GALNT17: variants seen among roughly 807,000 people sequenced by gnomAD.
GALNT17 encodes polypeptide N-acetylgalactosaminyltransferase 17.
Under a neutral mutation model 63.7 loss-of-function variants are expected in GALNT17, and 29 were observed. The ratio of observed to expected loss-of-function variants is 0.46; its 90% CI spans 0.34 to 0.62. The LOEUF is 0.62. Ranked by LOEUF, GALNT17 falls within the 20% of genes least tolerant of loss-of-function variation. The probability of loss-of-function intolerance (pLI) is 0.01; values close to 1 mark genes in which losing one functional copy is unlikely to be tolerated. For synonymous variants in GALNT17, 305 were observed against 318.3 expected (o/e 0.96, Z 0.45); for missense variants, 603 against 799.6 (o/e 0.75, Z 2.97).
Position 71,174,345 on chromosome 7 carries a change from A to C in GALNT17, c.238+41305A>C, listed in dbSNP as rs143210923. 3.2e-3 allele frequency among the ~76,000 whole-genome samples: 493 copies of C among 152,200 alleles called. 1 individual carries two copies. Among genetic ancestry groups the C allele is most frequent in the African/African-American group, 0.012 (485 of 41,520 alleles). ...GACCGCACATTGGCACTGGGGTGTG[A>C]GATGTCAGGGGTCTGCACATGGTTA... On this transcript the variant is annotated intron_variant, in intron 1 of 10. Transcript: ENST00000333538.
chr7:71,257,283 A>G (rs1412443625), intron 1 of GALNT17, among the ~76,000 whole-genome samples: 2 of 152,156 alleles, frequency 1.3e-5, no homozygotes, highest in African/African-American at 4.8e-5. Context: ...AGGAATGATA[A>G]AAAGTAATTA....
chr7:71,289,855 G>A (rs1790945408), intron 1 of GALNT17, among the ~76,000 whole-genome samples: 2 of 151,180 alleles, frequency 1.3e-5, no homozygotes, highest in Admixed American at 1.3e-4. Flanking sequence ...TTCCAGCCTG[G>A]GCAACAAGAG....
In GALNT17 at chr7:71,175,332, A is replaced by G. The variant is rs908316227; in HGVS notation, c.238+42292A>G. On this transcript the variant is annotated intron_variant, in intron 1 of 10. Coordinates refer to ENST00000333538, the MANE Select transcript of GALNT17 (RefSeq NM_022479.3). ...CAATTATCTATCATCTGTCCCTATCATTTATCTATTTGTCTGTCTTTGTCA... is the reference window on the plus strand; with the variant it reads ...CAATTATCTATCATCTGTCCCTATCGTTTATCTATTTGTCTGTCTTTGTCA... Among the ~76,000 whole-genome samples the G allele has an allele frequency of 2.6e-5, 4 of 152,122 alleles. No homozygotes were observed. The East Asian group carries it at 5.8e-4, about 22-fold the overall frequency.
intron 1 of GALNT17, among the ~76,000 whole-genome samples, chr7:71,319,073 A>C (rs1791552557): frequency 1.6e-5 from 1 of 61,120 alleles, no homozygotes; most frequent in African/African-American, 6.2e-5. Context: ...CCACATCCTC[A>C]GCTTGCTGAG....
intron 1 of GALNT17, among the ~76,000 whole-genome samples, chr7:71,277,795 C>T (rs1354822330): frequency 6.6e-6 from 1 of 152,136 alleles, no homozygotes; most frequent in Non-Finnish European, 1.5e-5. Flanking sequence ...GTCTTTTTCA[C>T]CCCAGTGCCC....
chr7:71,658,088 TG>T (rs2117033751), intron 6 of GALNT17, among the ~76,000 whole-genome samples: 1 of 152,252 alleles, frequency 6.6e-6, no homozygotes, highest in African/African-American at 2.4e-5. Context: ...AATTTTCTTT[TG>T]TAGAGGCTGG....
At chr7:71,250,029 T>C (rs961132427) in intron 1 of GALNT17, among the ~76,000 whole-genome samples, 10 of 152,198 alleles carry the variant, frequency 6.6e-5, no homozygotes, top group African/African-American at 2.2e-4. Context: ...TGTGAACATA[T>C]GAGTTTTTAT....
chr7:71,211,346 A>G (rs1007374286), intron 1 of GALNT17, among the ~76,000 whole-genome samples: 4 of 152,170 alleles, frequency 2.6e-5, no homozygotes, highest in African/African-American at 7.2e-5. Context: ...TGCTGCTGCC[A>G]TGTAAGATGC....
Position 71,422,627 on chromosome 7 carries a change from G to A in GALNT17, c.962+1522G>A, listed in dbSNP as rs547940189. Among the ~76,000 whole-genome samples the A allele has an allele frequency of 2.4e-3, 363 of 152,336 alleles. 2 individuals are homozygous for A. The highest frequency in any genetic ancestry group is 7.5e-3 in the African/African-American group (311 of 41,590). The stretch of plus-strand genomic sequence containing the variant: ...GTTGCGGGGAGCATTTTGGGGCTCC[G>A]ACCCCATGGCGGTCTCCAGGATTGA... On this transcript the variant is annotated intron_variant, in intron 5 of 10. Transcript: ENST00000333538.
chr7:71,233,365 T>A (rs574060140), intron 1 of GALNT17, among the ~76,000 whole-genome samples: 1 of 152,268 alleles, frequency 6.6e-6, no homozygotes, highest in African/African-American at 2.4e-5. Flanking sequence ...GCATCCTCCA[T>A]CAGCATCGTG....
intron 2 of GALNT17, among the ~76,000 whole-genome samples, chr7:71,381,742 G>C (rs761399627): frequency 6.6e-6 from 1 of 152,130 alleles, no homozygotes; most frequent in Non-Finnish European, 1.5e-5. Context: ...TCATGCCATG[G>C]CACTCCAGCC....
At chr7:71,366,558 C>T (rs1435276966) in intron 2 of GALNT17, among the ~76,000 whole-genome samples, 6 of 151,362 alleles carry the variant, frequency 4.0e-5, no homozygotes, top group East Asian at 2.0e-4. Context: ...TCCAGCCTGG[C>T]GACAGAGCGA....
intron 3 of GALNT17, among the ~76,000 whole-genome samples, chr7:71,407,883 G>A (rs1793357276): frequency 6.6e-6 from 1 of 152,148 alleles, no homozygotes; most frequent in Non-Finnish European, 1.5e-5. Flanking sequence ...GGGGCAGAAA[G>A]CATGTTAGTG....
At chr7:71,208,976 GAGTA>G (rs1312693069) in intron 1 of GALNT17, among the ~76,000 whole-genome samples, 1 of 151,966 alleles carries the variant, frequency 6.6e-6, no homozygotes, top group Admixed American at 6.6e-5. Flanking sequence ...ACAGGCTGGA[GAGTA>G]AGTATTTTCA....
At chr7:71,489,123 G>T (rs1787963171) in intron 5 of GALNT17, among the ~76,000 whole-genome samples, 1 of 151,628 alleles carries the variant, frequency 6.6e-6, no homozygotes, top group Non-Finnish European at 1.5e-5. Context: ...TGAACTCCTG[G>T]CCTCAAGTGA....
At chr7:71,709,684 G>A (rs1021021290) in intron 9 of GALNT17, among the ~76,000 whole-genome samples, 19 of 151,632 alleles carry the variant, frequency 1.3e-4, no homozygotes, top group South Asian at 4.2e-4. Context: ...TGCAACCTCC[G>A]CACCCCCAGG....
intron 5 of GALNT17, among the ~76,000 whole-genome samples, chr7:71,481,590 G>A: frequency 6.6e-6 from 1 of 152,120 alleles, no homozygotes; most frequent in Non-Finnish European, 1.5e-5. Context: ...TGGGAGATGT[G>A]GAAGGTGCAG....
intron 1 of GALNT17, among the ~76,000 whole-genome samples, chr7:71,171,833 CA>C (rs1313191676): frequency 1.3e-5 from 2 of 152,120 alleles, no homozygotes; most frequent in African/African-American, 4.8e-5. Context: ...AAGAGATGGG[CA>C]ATATCATGAA....
chr7:71,409,352 G>A (rs903108089), intron 3 of GALNT17, among the ~76,000 whole-genome samples: 3 of 152,152 alleles, frequency 2.0e-5, no homozygotes, highest in Non-Finnish European at 4.4e-5. Flanking sequence ...AGTTGATGCA[G>A]CAGCTCCCCA....
Sources: gnomAD v4.1 joint callset for allele counts (sites outside exome capture counted in the v4.1 genomes callset) on GRCh38, gnomAD v4.1.1 for gene constraint, MANE v1.5 for transcripts, NCBI Gene and HGNC (gene_info 2026-07-23, HGNC 2026-07-21) for gene names.